ARPP21: variants seen among roughly 807,000 people sequenced by gnomAD.
ARPP21 encodes the protein cAMP regulated phosphoprotein 21, also known as cAMP-regulated phosphoprotein 21.
A neutral mutation model predicts 113.2 loss-of-function variants in ARPP21; 69 were observed. That is an observed-to-expected ratio of 0.61 (90% CI 0.50 to 0.74). ARPP21 has a LOEUF of 0.74. Among genes scored for constraint, ARPP21 ranks in the 30% least tolerant of loss-of-function variants. The pLI, the probability that ARPP21 is intolerant of heterozygous loss-of-function variation, is 0.00. For synonymous variants in ARPP21, 368 were observed against 375.5 expected (o/e 0.98, Z 0.23); for missense variants, 1,070 against 1,037.4 (o/e 1.03, Z -0.43).
At chr3:35,658,586 G>A (rs558260805) in intron 1 of ARPP21, among the ~76,000 whole-genome samples, 1 of 152,142 alleles carries the variant, frequency 6.6e-6, no homozygotes, top group Non-Finnish European at 1.5e-5. Context: ...ACAAAGACTG[G>A]TGCCAAGGTT....
Position 35,706,997 on chromosome 3 carries a change from A to T in ARPP21, c.710A>T (p.His237Leu). 1 of 1,614,076 alleles carries T rather than the reference A, an allele frequency of 6.2e-7. No individual in the cohort carries two copies. The highest frequency in any genetic ancestry group is 8.5e-7 in the Non-Finnish European group (1 of 1,179,918). Residue 237 changes from histidine to leucine, a missense_variant, in exon 10 of 21, where the codon CAT becomes CTT. By Grantham distance (99) the His-to-Leu change is moderately conservative. Transcript: ENST00000684406. Reference protein sequence around the residue: ...TRIPEQRFCEHLKDEKGEESQ... With the variant: ...TRIPEQRFCELLKDEKGEESQ... ...AGACCAGAGCAAAGGTTTTGTGAAC[A>T]TTTAAAAGATGAAAAAGGTGAAGAA...
At chr3:35,717,566 G>A (rs1417955676) in intron 13 of ARPP21, among the ~76,000 whole-genome samples, 6 of 152,122 alleles carry the variant, frequency 3.9e-5, no homozygotes, top group South Asian at 2.1e-4. Context: ...TCTACAATTC[G>A]TTAGGGTTCT....
intron 1 of ARPP21, among the ~76,000 whole-genome samples, chr3:35,669,530 A>C (rs1390948705): frequency 6.6e-6 from 1 of 152,126 alleles, no homozygotes; most frequent in Non-Finnish European, 1.5e-5. Flanking sequence ...GTTCAAAACC[A>C]CACTTTCTTA....
rs759878431 is a variant in ARPP21, at chr3:35,791,421, A to T, written c.2138-961A>T. 2.6e-5 allele frequency among the ~76,000 whole-genome samples: 4 copies of T among 152,178 alleles called. 1 individual carries two copies. The highest frequency in any genetic ancestry group is 6.5e-5 in the Admixed American group (1 of 15,272). On this transcript the variant is annotated intron_variant, in intron 19 of 20. Coordinates refer to ENST00000684406, the MANE Select transcript of ARPP21 (RefSeq NM_001385562.1). ...CATGGTTAATAATATGAGCTCTGGA[A>T]GGAGCTTATTATACAGCATAAAATG...
chr3:35,710,144 C>T (rs2090577227), intron 11 of ARPP21, among the ~76,000 whole-genome samples: 1 of 152,030 alleles, frequency 6.6e-6, no homozygotes, highest in South Asian at 2.1e-4. Flanking sequence ...TTCTTGAACA[C>T]ACTGAAATAG....
At chr3:35,708,074 T>C (rs1038794505) in intron 10 of ARPP21, among the ~76,000 whole-genome samples, 1 of 152,194 alleles carries the variant, frequency 6.6e-6, no homozygotes, top group Non-Finnish European at 1.5e-5. Context: ...ACGCACTTTT[T>C]AAAAACTTGT....
intron 1 of ARPP21, among the ~76,000 whole-genome samples, chr3:35,647,134 T>C (rs759020951): frequency 8.5e-5 from 13 of 152,182 alleles, no homozygotes; most frequent in Non-Finnish European, 1.6e-4. Context: ...TCTTTAATTA[T>C]CATTATAATT....
At chr3:35,733,910 T>C (rs1230012465) in intron 15 of ARPP21, among the ~76,000 whole-genome samples, 1 of 152,198 alleles carries the variant, frequency 6.6e-6, no homozygotes, top group African/African-American at 2.4e-5. Flanking sequence ...TAATCATATT[T>C]CAAATGGAGG....
intron 1 of ARPP21, among the ~76,000 whole-genome samples, chr3:35,652,815 A>G (rs779816209): frequency 6.6e-6 from 1 of 152,036 alleles, no homozygotes; most frequent in Non-Finnish European, 1.5e-5. Context: ...GGAAATCTGT[A>G]CTTATTTCTG....
At position 35,729,411 on chromosome 3, in the gene ARPP21, G is replaced by C. The variant is rs371164136; in HGVS notation, c.1334G>C (p.Cys445Ser). ...GGTGTGGCAGCTGGCTCTCCAGGCTGTGTGCCTTATCCAGAGAATGGAATA... is the reference window on the plus strand; with the variant it reads ...GGTGTGGCAGCTGGCTCTCCAGGCTCTGTGCCTTATCCAGAGAATGGAATA... ...VSGVAAGSPG[C>S]VPYPENGIGG... Residue 445 changes from cysteine (C) to serine (S), a missense_variant, in exon 15 of 21, where the codon TGT (cysteine) becomes TCT (serine). By Grantham distance (112) the Cys-to-Ser change is moderately radical. Coordinates refer to ENST00000684406, the MANE Select transcript of ARPP21 (RefSeq NM_001385562.1). The C allele has an allele frequency of 1.2e-6, 2 of 1,614,020 alleles. No individual in the cohort carries two copies. Among genetic ancestry groups the C allele is most frequent in the African/African-American group, 2.7e-5 (2 of 74,908 alleles).
Position 35,721,012 on chromosome 3 carries a change from G to A in ARPP21, c.996-593G>A, listed in dbSNP as rs2093011403. On this transcript the variant is annotated intron_variant, in intron 13 of 20. Coordinates refer to ENST00000684406, the MANE Select transcript of ARPP21 (RefSeq NM_001385562.1). ...TGACCATGAAGGTTAAACTCAGTGG[G>A]CAAAATTCTTACCATAGGTTAATAG... is the stretch of plus-strand genomic sequence containing the variant. Among the ~76,000 whole-genome samples, 3 of 152,144 alleles carry A rather than the reference G, an allele frequency of 2.0e-5. No individual in the cohort carries two copies. The South Asian group carries it at 6.2e-4, about 32-fold the overall frequency.
chr3:35,751,189 T>C (rs2095392517), intron 19 of ARPP21, among the ~76,000 whole-genome samples: 1 of 152,114 alleles, frequency 6.6e-6, no homozygotes, highest in South Asian at 2.1e-4. Flanking sequence ...AGCAAATCAT[T>C]TGATATGGAT....
intron 9 of ARPP21, among the ~76,000 whole-genome samples, chr3:35,704,170 A>C (rs550654667): frequency 1.3e-5 from 2 of 152,052 alleles, no homozygotes; most frequent in Middle Eastern, 6.8e-3. Context: ...AATTTGAACT[A>C]TTAAATTCCA....
chr3:35,716,317 T>C (rs1272118738), intron 12 of ARPP21, among the ~76,000 whole-genome samples: 2 of 152,112 alleles, frequency 1.3e-5, no homozygotes, highest in Non-Finnish European at 2.9e-5. Context: ...GGGTTTTGCT[T>C]AATGTGTATT....
intron 18 of ARPP21, among the ~76,000 whole-genome samples, chr3:35,741,885 G>A (rs546570873): frequency 1.6e-4 from 24 of 152,194 alleles, no homozygotes; most frequent in African/African-American, 5.3e-4. Flanking sequence ...TGCTTCATCC[G>A]GTTGGGGATC....
At chr3:35,714,848 A>T (rs1490825786) in intron 11 of ARPP21, 4 of 148,326 alleles carry the variant, frequency 2.7e-5, no homozygotes, top group African/African-American at 1.0e-4. Context: ...TTTTTTTTTT[A>T]ATTAGCGTAT....
At chr3:35,744,425 G>C in intron 19 of ARPP21, 1 of 502,794 alleles carries the variant, frequency 2.0e-6, no homozygotes, top group South Asian at 1.5e-5. Flanking sequence ...CTGACTCCAT[G>C]GTTCACTTTC....
intron 19 of ARPP21, chr3:35,744,585 CA>C: frequency 2.0e-6 from 1 of 508,796 alleles, no homozygotes; most frequent in Non-Finnish European, 4.0e-6. Flanking sequence ...TGCCGTTATC[CA>C]AAGAGCAGCA....
chr3:35,667,938 GAGA>G (rs1270113206), intron 1 of ARPP21, among the ~76,000 whole-genome samples: 3 of 108,186 alleles, frequency 2.8e-5, no homozygotes, highest in Non-Finnish European at 5.3e-5. Context: ...GGAGGAGAAG[GAGA>G]AGAAGAAAAG....
Sources: gnomAD v4.1 joint callset for allele counts (sites outside exome capture counted in the v4.1 genomes callset) on GRCh38, gnomAD v4.1.1 for gene constraint, MANE v1.5 for transcripts, NCBI Gene and HGNC (gene_info 2026-07-23, HGNC 2026-07-21) for gene names.